The following MAST2 variants were observed in gnomAD, a reference collection of about 807,000 sequenced individuals.
MAST2 encodes microtubule associated serine/threonine kinase 2, also known as microtubule-associated serine/threonine-protein kinase 2.
In MAST2, 70 loss-of-function variants were observed where a neutral mutation model predicts 147.4. That is an observed-to-expected ratio of 0.47 (90% CI 0.39 to 0.58). The LOEUF (loss-of-function observed/expected upper bound fraction) is 0.58. MAST2 is among the 20% of genes least tolerant of loss of function. The pLI is 0.00. For missense variants in MAST2, 2,080 were observed against 2,302.3 expected, an observed-to-expected ratio of 0.90 and a Z score of 1.98; for synonymous variants, 869 against 896.8, an observed-to-expected ratio of 0.97 and a Z score of 0.55.
chr1:45,972,329 G>A (rs147678281), intron 5 of MAST2, among the ~76,000 whole-genome samples: 2 of 152,356 alleles, frequency 1.3e-5, no homozygotes, highest in Admixed American at 6.5e-5. Context: ...GGGGCTGGCC[G>A]TGTGCCACAT....
chr1:46,016,840 G>T (rs1048521579), intron 10 of MAST2, among the ~76,000 whole-genome samples: 19 of 151,948 alleles, frequency 1.3e-4, no homozygotes, highest in Admixed American at 8.5e-4. Context: ...AGTTCATATG[G>T]AACCAAAAAA....
At chr1:45,920,328 C>G (rs1441850042) in intron 4 of MAST2, among the ~76,000 whole-genome samples, 2 of 152,158 alleles carry the variant, frequency 1.3e-5, no homozygotes, top group Non-Finnish European at 2.9e-5. Flanking sequence ...TTCTAGCCAC[C>G]TTAGCCTCCC....
At chr1:45,922,188 G>A (rs1653615727) in intron 4 of MAST2, among the ~76,000 whole-genome samples, 1 of 152,192 alleles carries the variant, frequency 6.6e-6, no homozygotes, top group Non-Finnish European at 1.5e-5. Context: ...GGGAGGAAGT[G>A]CATGCTGGTT....
chr1:46,029,245 G>C lies in MAST2; in HGVS notation c.2219-221G>C, dbSNP rs1214197749. 5.4e-6 allele frequency: 3 copies of C among 552,860 alleles called. No homozygotes were observed. In the African/African-American group the frequency reaches 5.6e-5, roughly 10 times the overall value. The allele number at this position is 552,860 out of a possible 1,614,324, so 34.2% of individuals were successfully genotyped here. A position where few individuals can be genotyped will look rare whatever the true frequency, so the allele number is the denominator to read the frequency against. On this transcript the variant is annotated intron_variant, in intron 18 of 28. Transcript: ENST00000361297. ...TGTGTATGTTTTGTGGAGTATAAAA[G>C]CAGGGTGAGCTAGAGCTTTGCAGTG...
intron 4 of MAST2, among the ~76,000 whole-genome samples, chr1:45,892,544 C>T (rs1048475259): frequency 2.0e-5 from 3 of 152,212 alleles, no homozygotes; most frequent in Admixed American, 2.0e-4. Flanking sequence ...AATTCTGACT[C>T]ATTCCACTGG....
At chr1:45,983,907 A>C (rs981122217) in intron 5 of MAST2, among the ~76,000 whole-genome samples, 5 of 152,224 alleles carry the variant, frequency 3.3e-5, no homozygotes, top group African/African-American at 1.2e-4. Context: ...CATTGAGTGC[A>C]AAGGTAGCTA....
intron 18 of MAST2, chr1:46,029,140 CAT>C: frequency 1.7e-6 from 1 of 585,590 alleles, no homozygotes; most frequent in South Asian, 2.5e-5. Flanking sequence ...ACATGTCTCT[CAT>C]AGACACCTGG....
At position 46,030,137 on chromosome 1, in the gene MAST2, G is replaced by A. The variant is rs760785043; in HGVS notation, c.2452G>A (p.Glu818Lys). ...CTTTATGTCTGGCCCAGCCCGCTCA[G>A]AGCGATACCACCACATGGACTCGGA... is the stretch of plus-strand genomic sequence containing the variant. ...DDTSYFDTRSERYHHMDSEDE... is the reference protein window; with the variant it reads ...DDTSYFDTRSKRYHHMDSEDE... Residue 818 changes from glutamate to lysine, a missense_variant, in exon 21 of 29, where the codon GAG becomes AAG. Around this residue, in one of 4 missense-constraint regions of MAST2, gnomAD observed 1,278 missense variants for 1,304.2 expected, o/e 0.98. Coordinates refer to ENST00000361297, the MANE Select transcript of MAST2 (RefSeq NM_015112.3). 27 of 1,614,122 alleles carry A rather than the reference G, an allele frequency of 1.7e-5. No individual in the cohort carries two copies. Among genetic ancestry groups the A allele is most frequent in the Non-Finnish European group, 2.3e-5 (27 of 1,180,054 alleles).
chr1:45,844,096 A>C (rs1376776744), intron 3 of MAST2, among the ~76,000 whole-genome samples: 1 of 151,858 alleles, frequency 6.6e-6, no homozygotes, highest in Non-Finnish European at 1.5e-5. Flanking sequence ...AGACAGCCTT[A>C]CTTTTTTTTG....
intron 8 of MAST2, among the ~76,000 whole-genome samples, chr1:46,008,072 G>A (rs139122090): frequency 9.7e-4 from 147 of 152,258 alleles, no homozygotes; most frequent in Non-Finnish European, 1.2e-3. Context: ...CCTAGAAGAG[G>A]TCTTTGTGAA....
At chr1:45,901,043 GT>G (rs1649680793) in intron 4 of MAST2, among the ~76,000 whole-genome samples, 1 of 152,028 alleles carries the variant, frequency 6.6e-6, no homozygotes, top group South Asian at 2.1e-4. Context: ...GGTCATATTT[GT>G]TTTTGAGGTC....
intron 1 of MAST2, among the ~76,000 whole-genome samples, chr1:45,812,395 GTC>G (rs1365444901): frequency 6.8e-6 from 1 of 147,222 alleles, no homozygotes; most frequent in African/African-American, 2.5e-5. Flanking sequence ...TGTTCTGGAT[GTC>G]TCTTGGCCTA....
chr1:45,809,551 G>T (rs1290532363), intron 1 of MAST2, among the ~76,000 whole-genome samples: 1 of 152,208 alleles, frequency 6.6e-6, no homozygotes, highest in Non-Finnish European at 1.5e-5. Flanking sequence ...GCTGAGGTGG[G>T]ACCCCTGGAA....
chr1:45,968,751 G>T, intron 5 of MAST2, among the ~76,000 whole-genome samples: 1 of 151,432 alleles, frequency 6.6e-6, no homozygotes, highest in Non-Finnish European at 1.5e-5. Flanking sequence ...TTTAATTTGG[G>T]GAAATTTTAT....
At chr1:46,017,138 T>C (rs1645985224) in intron 10 of MAST2, among the ~76,000 whole-genome samples, 2 of 152,280 alleles carry the variant, frequency 1.3e-5, no homozygotes, top group South Asian at 4.1e-4. Flanking sequence ...AAAGCTGAAA[T>C]TGGATCCCTT....
chr1:45,946,651 TTGCTGGTGGTCTTTTC>T (rs1246727037), intron 4 of MAST2, among the ~76,000 whole-genome samples: 1 of 152,214 alleles, frequency 6.6e-6, no homozygotes, highest in African/African-American at 2.4e-5. Flanking sequence ...TTCCTTTGCA[TTGCTGGTGGTCTTTTC>T]TGCTATAAGA....
intron 3 of MAST2, among the ~76,000 whole-genome samples, chr1:45,867,680 G>T (rs1450415666): frequency 1.3e-5 from 2 of 152,208 alleles, no homozygotes; most frequent in Non-Finnish European, 2.9e-5. Context: ...AGTGGACGAT[G>T]TGGAGGACTT....
intron 3 of MAST2, among the ~76,000 whole-genome samples, chr1:45,878,876 A>G (rs1446696574): frequency 6.6e-6 from 1 of 151,642 alleles, no homozygotes; most frequent in Non-Finnish European, 1.5e-5. Context: ...GTATTATAAG[A>G]CTTGATATTT....
chr1:46,004,208 C>A (rs986042287), intron 7 of MAST2, among the ~76,000 whole-genome samples: 3 of 151,730 alleles, frequency 2.0e-5, no homozygotes, highest in African/African-American at 7.3e-5. Context: ...ACTAAAAATA[C>A]AAAAAATTAG....
Sources: allele counts gnomAD v4.1 joint callset (sites outside exome capture counted in the v4.1 genomes callset), GRCh38; gene constraint gnomAD v4.1.1; regional missense constraint gnomAD v4.1.1; transcripts MANE v1.5; gene names NCBI Gene and HGNC (gene_info 2026-07-23, HGNC 2026-07-21).